The following PEAK1 variants were observed in gnomAD, a reference collection of about 807,000 sequenced individuals.
PEAK1 encodes the protein pseudopodium enriched atypical kinase 1.
Under a neutral mutation model 124.7 loss-of-function variants are expected in PEAK1, and 54 were observed. That is an observed-to-expected ratio of 0.43 (90% CI 0.35 to 0.54). The LOEUF is 0.54. PEAK1 is among the 20% of genes least tolerant of loss of function. The pLI, the probability that PEAK1 is intolerant of heterozygous loss-of-function variation, is 0.01. For missense variants in PEAK1, 2,046 were observed against 2,134.5 expected (o/e 0.96, Z 0.82); for synonymous variants, 719 against 760.0 (o/e 0.95, Z 0.89).
intron 1 of PEAK1, chr15:77,418,741 G>A (rs2073095214): frequency 3.0e-6 from 3 of 985,238 alleles, no homozygotes; most frequent in African/African-American, 1.7e-5. Context: ...TACCCCGGTG[G>A]ATAATTCACG....
chr15:77,311,530 G>A (rs1395663906), intron 2 of PEAK1, among the ~76,000 whole-genome samples: 2 of 151,580 alleles, frequency 1.3e-5, no homozygotes, highest in African/African-American at 4.8e-5. Flanking sequence ...ACAAAAATTA[G>A]GCGTGCTGGC....
At chr15:77,417,391 C>T (rs2072962896) in intron 1 of PEAK1, 1 of 968,540 alleles carries the variant, frequency 1.0e-6, no homozygotes, top group Non-Finnish European at 1.2e-6. Context: ...CTTGAGGGAA[C>T]CTAGAAAGTA....
chr15:77,200,959 T>C (rs1306005772), intron 6 of PEAK1, among the ~76,000 whole-genome samples: 2 of 152,050 alleles, frequency 1.3e-5, no homozygotes, highest in African/African-American at 4.8e-5. Flanking sequence ...AACTTACCTC[T>C]GGAGTAAAAT....
chr15:77,349,380 A>G, intron 2 of PEAK1: 1 of 983,850 alleles, frequency 1.0e-6, no homozygotes, highest in Non-Finnish European at 1.2e-6. Context: ...ACAAAGACAT[A>G]AATGTTTCCA....
intron 7 of PEAK1, among the ~76,000 whole-genome samples, chr15:77,177,211 C>T (rs2056939379): frequency 6.6e-6 from 1 of 152,122 alleles, no homozygotes; most frequent in Admixed American, 6.5e-5. Flanking sequence ...CCGCCTTGGC[C>T]TCCCAAAGTG....
chr15:77,140,237 C>A (rs1313967174), intron 8 of PEAK1, among the ~76,000 whole-genome samples: 2 of 152,122 alleles, frequency 1.3e-5, no homozygotes, highest in African/African-American at 4.8e-5. Context: ...TGCTTCCCAA[C>A]TTGAATTCAA....
chr15:77,278,469 C>T, intron 5 of PEAK1: 2 of 485,404 alleles, frequency 4.1e-6, no homozygotes, highest in South Asian at 1.6e-5. Context: ...AGCACCATGC[C>T]CAAGAGAAAG....
At chr15:77,202,022 T>C (rs2058387230) in intron 6 of PEAK1, among the ~76,000 whole-genome samples, 1 of 152,206 alleles carries the variant, frequency 6.6e-6, no homozygotes, top group African/African-American at 2.4e-5. Flanking sequence ...CCAATATTGT[T>C]CCAAATCAGG....
chr15:77,149,575 A>T (rs573678672), intron 8 of PEAK1, among the ~76,000 whole-genome samples: 3 of 152,362 alleles, frequency 2.0e-5, no homozygotes, highest in Admixed American at 6.5e-5. Flanking sequence ...GCCATCTAAA[A>T]TACTTGTTTC....
chr15:77,217,996 T>C (rs1480657299), intron 6 of PEAK1, among the ~76,000 whole-genome samples: 1 of 152,200 alleles, frequency 6.6e-6, no homozygotes, highest in Non-Finnish European at 1.5e-5. Context: ...TAAATTTATT[T>C]TAGTATCTTT....
intron 9 of PEAK1, 130 bp downstream of exon 9, chr15:77,132,875 G>T: frequency 1.2e-6 from 1 of 846,542 alleles, no homozygotes; most frequent in Non-Finnish European, 1.8e-6. Context: ...CTAGTATCTG[G>T]TAAGAGGTAG....
intron 5 of PEAK1, among the ~76,000 whole-genome samples, chr15:77,278,253 A>G (rs1265302746): frequency 6.6e-6 from 1 of 152,188 alleles, no homozygotes; most frequent in Non-Finnish European, 1.5e-5. Context: ...ATAGTCATAC[A>G]ATGGAACACT....
chr15:77,317,771 AAT>A (rs2064966152), intron 2 of PEAK1, among the ~76,000 whole-genome samples: 1 of 152,220 alleles, frequency 6.6e-6, no homozygotes, highest in Non-Finnish European at 1.5e-5. Context: ...TAGTATTTCA[AAT>A]GTTCATATAG....
chr15:77,188,547 A>T (rs2057666871), intron 6 of PEAK1, among the ~76,000 whole-genome samples: 1 of 152,226 alleles, frequency 6.6e-6, no homozygotes, highest in Admixed American at 6.5e-5. Context: ...TCAGAGAAGA[A>T]GTTAAAGTAT....
At chr15:77,229,708 C>G (rs1187117451) in intron 6 of PEAK1, among the ~76,000 whole-genome samples, 1 of 150,566 alleles carries the variant, frequency 6.6e-6, no homozygotes, top group East Asian at 1.9e-4. Context: ...AGTGCAATGG[C>G]ACAATCTCGG....
intron 6 of PEAK1, among the ~76,000 whole-genome samples, chr15:77,221,446 T>G (rs1215291691): frequency 5.9e-5 from 9 of 152,062 alleles, no homozygotes; most frequent in Non-Finnish European, 1.3e-4. Context: ...CGTGTAGATA[T>G]TTTGAAACAT....
chr15:77,313,652 A>ATGTATGTGTGTGTGTG (rs1469429790), intron 2 of PEAK1, among the ~76,000 whole-genome samples: 2 of 90,586 alleles, frequency 2.2e-5, no homozygotes, highest in African/African-American at 8.7e-5. Context: ...GTATGTATGT[A>ATGTATGTGTGTGTGTG]TGTGTGTGTG....
At chr15:77,417,541 C>T in intron 1 of PEAK1, 2 of 985,216 alleles carry the variant, frequency 2.0e-6, no homozygotes, top group Non-Finnish European at 2.4e-6. Flanking sequence ...ACACATCTGC[C>T]TCTTACACTG....
At chr15:77,334,731 C>T in intron 2 of PEAK1, 1 of 984,812 alleles carries the variant, frequency 1.0e-6, no homozygotes, top group Non-Finnish European at 1.2e-6. Context: ...GATATTCTTG[C>T]TGTTTGTACA....
Sources: allele counts gnomAD v4.1 joint callset (sites outside exome capture counted in the v4.1 genomes callset), GRCh38; gene constraint gnomAD v4.1.1; transcripts MANE v1.5; gene names NCBI Gene and HGNC (gene_info 2026-07-23, HGNC 2026-07-21).